VCAN: variants seen among roughly 807,000 people sequenced by gnomAD.
The protein encoded by VCAN is versican, also known as versican core protein.
VCAN carries 44 observed loss-of-function variants against 245.5 expected under a neutral mutation model. The observed-to-expected ratio is 0.18, with a 90% confidence interval of 0.14 to 0.23. The LOEUF (loss-of-function observed/expected upper bound fraction) is 0.23. Among genes scored for constraint, VCAN ranks in the 10% least tolerant of loss-of-function variants. VCAN has a pLI of 1.00. For missense variants in VCAN, 3,793 were observed against 4,057.9 expected, an observed-to-expected ratio of 0.93 and a Z score of 1.77; for synonymous variants, 1,413 against 1,437.0, an observed-to-expected ratio of 0.98 and a Z score of 0.38.
At position 83,560,556 on chromosome 5, in the gene VCAN, A is replaced by G. The variant is rs144963001; in HGVS notation, c.9735+5518A>G. Among the ~76,000 whole-genome samples the G allele has an allele frequency of 3.7e-4, 57 of 152,238 alleles. 2 individuals carry two copies. In the East Asian group the frequency reaches 0.011, roughly 28 times the overall value. On this transcript the variant is annotated intron_variant, in intron 12 of 14. Coordinates refer to ENST00000265077, the MANE Select transcript of VCAN (RefSeq NM_004385.5). ...GACAGGCAGGGAACGTTATGGAATC[A>G]TTTATATTTATCTGTCAGTATACCT...
intron 12 of VCAN, among the ~76,000 whole-genome samples, chr5:83,567,909 A>T (rs1249058499): frequency 6.6e-6 from 1 of 152,180 alleles, no homozygotes; most frequent in Non-Finnish European, 1.5e-5. Context: ...ATCGCTCAGG[A>T]TGTTTGCTCA....
chr5:83,569,457 G>A (rs1748202660), intron 12 of VCAN, among the ~76,000 whole-genome samples: 1 of 152,098 alleles, frequency 6.6e-6, no homozygotes, highest in Non-Finnish European at 1.5e-5. Context: ...ATAGTTTCTG[G>A]CACTGAGGAT....
In VCAN at chr5:83,512,321, A is replaced by G; in HGVS notation, c.967A>G (p.Arg323Gly). ...AQCGGGLLGV[R>G]TLYRFENQTG... ...GTGTGGAGGTGGTCTACTTGGGGTG[A>G]GAACCCTGTATCGTTTTGAGAACCA... The change falls in exon 6 of 15, where the codon AGA becomes GGA. Residue 323 changes from arginine (R) to glycine (G), a missense_variant. By Grantham distance (125) the Arg-to-Gly change is moderately radical. Around this residue, in one of 5 missense-constraint regions of VCAN, gnomAD observed 190 missense variants for 288.6 expected, o/e 0.66. Coordinates refer to ENST00000265077, the MANE Select transcript of VCAN (RefSeq NM_004385.5). The G allele has an allele frequency of 6.2e-7, 1 of 1,612,950 alleles. No individual in the cohort carries two copies. Among genetic ancestry groups the G allele is most frequent in the Non-Finnish European group, 8.5e-7 (1 of 1,179,006 alleles).
Position 83,522,304 on chromosome 5 carries a change from A to T in VCAN, c.3998A>T (p.Lys1333Met). The T allele has an allele frequency of 6.3e-7, 1 of 1,598,658 alleles. No individual in the cohort carries two copies. The highest frequency in any genetic ancestry group is 1.1e-5 in the South Asian group (1 of 91,052). The stretch of plus-strand genomic sequence containing the variant: ...TATATTATTGAGGTCAGAGAAAATA[A>T]GACAGGTAAGTCTTTGCTTTCTAGA... ...NVYIIEVREN[K>M]TGRMSDLSVI... The change falls in exon 7 of 15, where the codon AAG (lysine) becomes ATG (methionine). Residue 1333 changes from lysine to methionine, a missense_variant. Lys to Met is a moderately conservative substitution (Grantham distance 95). Transcript: ENST00000265077.
rs544255169 is a variant in VCAN, at chr5:83,538,306, G to A, written c.5303G>A (p.Gly1768Asp). 1 of 1,614,014 alleles carries A rather than the reference G, an allele frequency of 6.2e-7. No homozygotes were observed. The highest frequency in any genetic ancestry group is 1.3e-5 in the African/African-American group (1 of 75,022). Residue 1768 changes from glycine (G) to aspartate (D), a missense_variant, in exon 8 of 15, where the codon GGT (glycine) becomes GAT (aspartate). This residue lies in a region of VCAN where 3,182 missense variants were observed against 3,250.3 expected (regional missense o/e 0.98). Transcript: ENST00000265077. ...SPNVATSSDSGTRKSFMSLTT... is the reference protein window; with the variant it reads ...SPNVATSSDSDTRKSFMSLTT... ...AATGTAGCTACATCTAGTGATTCAG[G>A]TACCAGGAAAAGTTTTATGTCCTTG... is the stretch of plus-strand genomic sequence containing the variant.
At chr5:83,571,229 G>C (rs1748275599) in intron 12 of VCAN, among the ~76,000 whole-genome samples, 1 of 152,030 alleles carries the variant, frequency 6.6e-6, no homozygotes, top group Non-Finnish European at 1.5e-5. Flanking sequence ...CTAGGAAACT[G>C]GTCTCTTATT....
chr5:83,530,907 A>T (rs1746495223), intron 7 of VCAN, among the ~76,000 whole-genome samples: 1 of 152,128 alleles, frequency 6.6e-6, no homozygotes, highest in Non-Finnish European at 1.5e-5. Context: ...ATTTGATTAC[A>T]TTAAAAATCG....
intron 5 of VCAN, among the ~76,000 whole-genome samples, chr5:83,500,784 T>G (rs115706330): frequency 6.6e-4 from 100 of 152,198 alleles, no homozygotes; most frequent in African/African-American, 2.3e-3. Flanking sequence ...TTAGAAAAAA[T>G]CATAATTCTT....
chr5:83,473,739 G>A (rs1744284820), intron 1 of VCAN, among the ~76,000 whole-genome samples: 1 of 152,196 alleles, frequency 6.6e-6, no homozygotes, highest in Admixed American at 6.5e-5. Flanking sequence ...TGATGGAGAA[G>A]TCCCGCACAG....
intron 3 of VCAN, among the ~76,000 whole-genome samples, chr5:83,492,673 G>A (rs1043429083): frequency 6.6e-6 from 1 of 152,104 alleles, no homozygotes; most frequent in Non-Finnish European, 1.5e-5. Context: ...ACAACAAAGT[G>A]GAATTTGAGG....
In VCAN at chr5:83,531,405, G is replaced by A. The variant is rs191473206; in HGVS notation, c.4004-5602G>A. 4.6e-5 allele frequency: 7 copies of A among 152,144 alleles called. No individual in the cohort carries two copies. The East Asian group carries it at 1.4e-3, about 29-fold the overall frequency. 9.4% of individuals were successfully genotyped at this position (152,144 alleles called of 1,614,324 possible). ...TGCTTCACATAGTAGGTTTCTGGAG[G>A]TTTTGTTTTTTCTAAGATGAGAGAG... On this transcript the variant is annotated intron_variant, in intron 7 of 14. Coordinates refer to ENST00000265077, the MANE Select transcript of VCAN (RefSeq NM_004385.5).
In VCAN at chr5:83,542,226, A is replaced by T. The variant is rs376536495; in HGVS notation, c.9223A>T (p.Ile3075Phe). 65 of 1,613,866 alleles carry T rather than the reference A, an allele frequency of 4.0e-5. No homozygotes were observed. The highest frequency in any genetic ancestry group is 2.5e-4 in the Admixed American group (15 of 59,990). The part of the protein sequence containing the change: ...TSNETDFLIG[I>F]NEESVEGTAI... ...TAATGAAACAGATTTCCTGATTGGC[A>T]TTAATGAAGAGTCAGTGGAAGGCAC... The change falls in exon 8 of 15, where the codon ATT becomes TTT. Residue 3075 changes from isoleucine (I) to phenylalanine (F), a missense_variant. By Grantham distance (21) the Ile-to-Phe change is conservative. Coordinates refer to ENST00000265077, the MANE Select transcript of VCAN (RefSeq NM_004385.5).
At chr5:83,507,123 G>A (rs988285191) in intron 5 of VCAN, among the ~76,000 whole-genome samples, 1 of 152,114 alleles carries the variant, frequency 6.6e-6, no homozygotes. Flanking sequence ...CTCATGGATA[G>A]GTAACATTTA....
chr5:83,496,063 C>G (rs1329684714), intron 5 of VCAN, among the ~76,000 whole-genome samples: 1 of 152,168 alleles, frequency 6.6e-6, no homozygotes, highest in African/African-American at 2.4e-5. Flanking sequence ...TCTGCAAGTA[C>G]TGTTTGAAGA....
intron 1 of VCAN, among the ~76,000 whole-genome samples, chr5:83,476,689 G>T (rs1479571729): frequency 6.6e-6 from 1 of 151,896 alleles, no homozygotes; most frequent in Non-Finnish European, 1.5e-5. Context: ...TGTGTGGGGG[G>T]TGCGTGTGTG....
rs1280886259 is a variant in VCAN at position 83,581,616 on chromosome 5, A to G, written c.*1182A>G. 2 of 152,200 alleles carry G rather than the reference A, an allele frequency of 1.3e-5. No individual in the cohort carries two copies. Among genetic ancestry groups the G allele is most frequent in the African/African-American group, 4.8e-5 (2 of 41,456 alleles). The allele number at this position is 152,200 out of a possible 1,614,324, so 9.4% of individuals were successfully genotyped here. A position where few individuals can be genotyped will look rare whatever the true frequency, so the allele number is the denominator to read the frequency against. ...GACGGATAGAATGCATCAAGTGTTTATTATGAAAAGAGTGGAAAAGTATAT... is the reference window on the plus strand; with the variant it reads ...GACGGATAGAATGCATCAAGTGTTTGTTATGAAAAGAGTGGAAAAGTATAT... On this transcript the variant is annotated 3_prime_UTR_variant, in exon 15 of 15. Coordinates refer to ENST00000265077, the MANE Select transcript of VCAN (RefSeq NM_004385.5).
rs1746121644 is a variant in VCAN at position 83,521,945 on chromosome 5, A to G, written c.3639A>G (p.Ser1213=). The G allele has an allele frequency of 5.0e-6, 8 of 1,614,098 alleles. No homozygotes were observed. The highest frequency in any genetic ancestry group is 1.7e-5 in the Admixed American group (1 of 60,004). ...VPSDITTAFS[S]VDRLHTTSAF... ...GTGATATTACCACTGCCTTCAGTTC[A>G]GTAGACAGACTTCACACAACTTCAG... The change falls in exon 7 of 15, where the codon TCA becomes TCG. Residue 1213 remains serine, a synonymous_variant. Coordinates refer to ENST00000265077, the MANE Select transcript of VCAN (RefSeq NM_004385.5).
rs1234840036 is a variant in VCAN, at chr5:83,520,675, A to G, written c.2369A>G (p.His790Arg). The G allele has an allele frequency of 1.9e-6, 3 of 1,614,106 alleles. No homozygotes were observed. Among genetic ancestry groups the G allele is most frequent in the East Asian group, 4.5e-5 (2 of 44,878 alleles). ...AATATTACAACAGTGCTTTTGGCCCATGGTACTTTAAGTGTTGAAGCAGCC... is the reference window on the plus strand; with the variant it reads ...AATATTACAACAGTGCTTTTGGCCCGTGGTACTTTAAGTGTTGAAGCAGCC... ...DENITTVLLA[H>R]GTLSVEAATV... Residue 790 changes from histidine (H) to arginine (R), a missense_variant, in exon 7 of 15, where the codon CAT (histidine) becomes CGT (arginine). His to Arg is a conservative substitution (Grantham distance 29). This residue lies in a region of VCAN where 3,182 missense variants were observed against 3,250.3 expected (regional missense o/e 0.98). Transcript: ENST00000265077.
chr5:83,520,324 A>G lies in VCAN; in HGVS notation c.2018A>G (p.Tyr673Cys), dbSNP rs1746031731. 3.1e-6 allele frequency: 5 copies of G among 1,613,618 alleles called. No homozygotes were observed. Among genetic ancestry groups the G allele is most frequent in the Non-Finnish European group, 4.2e-6 (5 of 1,179,926 alleles). ...ILVEGISTVIYPSLQTEMTHR... is the reference protein window; with the variant it reads ...ILVEGISTVICPSLQTEMTHR... ...GTAGAGGGAATTTCCACAGTTATTT[A>G]TCCTTCTCTACAAACAGAAATGACA... Residue 673 changes from tyrosine (Y) to cysteine (C), a missense_variant, in exon 7 of 15, where the codon TAT becomes TGT. Physicochemically the swap from Tyr to Cys is radical, Grantham distance 194 (BLOSUM62 -2). This residue lies in a region of VCAN where 3,182 missense variants were observed against 3,250.3 expected (regional missense o/e 0.98). Transcript: ENST00000265077.
Sources: gnomAD v4.1 joint callset for allele counts (sites outside exome capture counted in the v4.1 genomes callset) on GRCh38, gnomAD v4.1.1 for gene constraint, gnomAD v4.1.1 regional missense constraint, MANE v1.5 for transcripts, NCBI Gene and HGNC (gene_info 2026-07-23, HGNC 2026-07-21) for gene names.